NCKAP1L: variants seen among roughly 807,000 people sequenced by gnomAD.
The protein encoded by NCKAP1L is nck-associated protein 1-like.
NCKAP1L carries 53 observed loss-of-function variants against 139.2 expected under a neutral mutation model. The ratio of observed to expected loss-of-function variants is 0.38; its 90% CI spans 0.31 to 0.48. The LOEUF is 0.48. Among genes scored for constraint, NCKAP1L ranks in the 20% least tolerant of loss-of-function variants. The pLI is 0.98. For synonymous variants in NCKAP1L, 468 were observed against 499.7 expected (o/e 0.94, Z 0.85); for missense variants, 1,151 against 1,381.9 (o/e 0.83, Z 2.65).
intron 18 of NCKAP1L, among the ~76,000 whole-genome samples, chr12:54,522,247 C>T (rs1467512210): frequency 1.3e-5 from 2 of 152,130 alleles, no homozygotes; most frequent in East Asian, 1.9e-4. Context: ...CAAATGAGTA[C>T]AATTGCAGGT....
Position 54,526,738 on chromosome 12 carries a change from C to T in NCKAP1L, c.2367C>T (p.Tyr789=). The T allele has an allele frequency of 6.2e-7, 1 of 1,613,606 alleles. No homozygotes were observed. The highest frequency in any genetic ancestry group is 8.5e-7 in the Non-Finnish European group (1 of 1,179,644). ...GGGAACAGACAATCACCACACTCTA[C>T]ACAAACTGGTCAGTGTTGCTTAGGC... ...SCGEQTITTL[Y]TNWYLESLLR... Residue 789 remains tyrosine (Y), a synonymous_variant, in exon 21 of 31, where the codon TAC becomes TAT. Coordinates refer to ENST00000293373, the MANE Select transcript of NCKAP1L (RefSeq NM_005337.5).
At position 54,530,933 on chromosome 12, in the gene NCKAP1L, A is replaced by G. The variant is rs191723898; in HGVS notation, c.2507-327A>G. The stretch of plus-strand genomic sequence containing the variant: ...TGACTTAAGGTCTTACGTCTAATAA[A>G]ACTAGTATAGCTAGTACAGCAAGAG... On this transcript the variant is annotated intron_variant, in intron 22 of 30. Transcript: ENST00000293373. 2.2e-4 allele frequency among the ~76,000 whole-genome samples: 34 copies of G among 152,366 alleles called. No homozygotes were observed. The East Asian group carries it at 6.2e-3, about 28-fold the overall frequency.
rs2120893974 is a variant in NCKAP1L at position 54,508,478 on chromosome 12, G to A, written c.453G>A (p.Arg151=). Residue 151 remains arginine (R), a synonymous_variant, in exon 5 of 31, where the codon CGG becomes CGA. Transcript: ENST00000293373. The part of the protein sequence containing the change: ...VILLLSRIED[R]RILIGMYNCA... Reference sequence around the variant, plus strand: ...TACTTCTGTCACGGATTGAAGATCGGCGGATACTCATTGGCATGTACAATT... The same window carrying A: ...TACTTCTGTCACGGATTGAAGATCGACGGATACTCATTGGCATGTACAATT... The A allele has an allele frequency of 2.5e-6, 4 of 1,614,174 alleles. No individual in the cohort carries two copies. The highest frequency in any genetic ancestry group is 3.4e-6 in the Non-Finnish European group (4 of 1,180,012).
At chr12:54,506,736 T>C (rs1956841559) in intron 3 of NCKAP1L, among the ~76,000 whole-genome samples, 1 of 144,710 alleles carries the variant, frequency 6.9e-6, no homozygotes, top group Non-Finnish European at 1.5e-5. Context: ...CTTGGCATCA[T>C]ATTTTTTTTA....
At chr12:54,531,952 T>C in intron 25 of NCKAP1L, 127 bp downstream of exon 25, 3 of 873,232 alleles carry the variant, frequency 3.4e-6, no homozygotes, top group Non-Finnish European at 5.3e-6. Flanking sequence ...TTGGTGAGCA[T>C]TGAGAAGAGG....
At chr12:54,518,502 G>C in intron 13 of NCKAP1L, 149 bp from the exon 14 acceptor site, 1 of 726,196 alleles carries the variant, frequency 1.4e-6, no homozygotes, top group Non-Finnish European at 2.5e-6. Flanking sequence ...AACCCGGAAA[G>C]TTTCCTTCAT....
At chr12:54,539,000 A>T (rs1957135904) in intron 30 of NCKAP1L, 27 bp downstream of exon 30, 1 of 1,597,052 alleles carries the variant, frequency 6.3e-7, no homozygotes. Context: ...AATTGGTGTG[A>T]GAATAGGGAA....
At chr12:54,538,461 G>A (rs962642062) in intron 29 of NCKAP1L, among the ~76,000 whole-genome samples, 6 of 152,172 alleles carry the variant, frequency 3.9e-5, no homozygotes, top group African/African-American at 1.2e-4. Flanking sequence ...GGAATTGACT[G>A]GAGAATACCA....
chr12:54,539,444 C>T (rs1176952863), intron 30 of NCKAP1L, among the ~76,000 whole-genome samples: 1 of 152,232 alleles, frequency 6.6e-6, no homozygotes, highest in African/African-American at 2.4e-5. Flanking sequence ...CTAAAAAGCT[C>T]TAAGGCAGGG....
intron 20 of NCKAP1L, 111 bp downstream of exon 20, chr12:54,524,067 G>GT: frequency 8.9e-7 from 1 of 1,128,730 alleles, no homozygotes; most frequent in Non-Finnish European, 1.3e-6. Context: ...ATTCATCCTG[G>GT]TGGTCATGCC....
chr12:54,514,559 G>A (rs1026467588), intron 9 of NCKAP1L, among the ~76,000 whole-genome samples: 1 of 152,132 alleles, frequency 6.6e-6, no homozygotes, highest in African/African-American at 2.4e-5. Context: ...CTGATCTCAG[G>A]TGATCCACCC....
intron 27 of NCKAP1L, 57 bp downstream of exon 27, chr12:54,535,254 G>A: frequency 1.5e-6 from 2 of 1,358,882 alleles, no homozygotes; most frequent in Non-Finnish European, 1.0e-6. Context: ...CCTTATTTTG[G>A]GTGAAAAAAT....
chr12:54,534,055 C>A (rs1179500119), intron 26 of NCKAP1L, among the ~76,000 whole-genome samples: 2 of 152,114 alleles, frequency 1.3e-5, no homozygotes, highest in African/African-American at 4.8e-5. Context: ...ATCAATCAAT[C>A]AATATTTATT....
chr12:54,523,752 G>A, intron 19 of NCKAP1L, 73 bp from the exon 20 acceptor site: 2 of 1,549,540 alleles, frequency 1.3e-6, no homozygotes, highest in Non-Finnish European at 1.7e-6. Flanking sequence ...ACTGGGTCAT[G>A]GGCCCAACAC....
rs1276355767 is a variant in NCKAP1L, at chr12:54,517,044, T to C, written c.1095+52T>C. On this transcript the variant is annotated intron_variant, in intron 11 of 30. Coordinates refer to ENST00000293373, the MANE Select transcript of NCKAP1L (RefSeq NM_005337.5). ...AATGATGGCCAGTGATAAGAGACTGTGTAGCTACGTGGCACTCACGAGATT... is the reference window on the plus strand; with the variant it reads ...AATGATGGCCAGTGATAAGAGACTGCGTAGCTACGTGGCACTCACGAGATT... 4 of 1,498,960 alleles carry C rather than the reference T, an allele frequency of 2.7e-6. No individual in the cohort carries two copies. The South Asian group carries it at 3.4e-5, about 13-fold the overall frequency. 92.9% of individuals were successfully genotyped at this position (1,498,960 alleles called of 1,614,324 possible). A position where few individuals can be genotyped will look rare whatever the true frequency, so the allele number is the denominator to read the frequency against.
intron 22 of NCKAP1L, 93 bp downstream of exon 22, chr12:54,528,470 C>T: frequency 1.4e-6 from 2 of 1,475,622 alleles, no homozygotes; most frequent in Non-Finnish European, 1.8e-6. Context: ...TAGGTTGGTG[C>T]AAAAGTAATT....
intron 20 of NCKAP1L, among the ~76,000 whole-genome samples, chr12:54,525,340 T>C (rs1048582266): frequency 6.6e-6 from 1 of 152,230 alleles, no homozygotes; most frequent in Non-Finnish European, 1.5e-5. Context: ...TATTTTTCAA[T>C]TGAGGTTTTT....
intron 21 of NCKAP1L, among the ~76,000 whole-genome samples, 162 bp downstream of exon 21, chr12:54,526,908 C>T (rs1286818262): frequency 6.6e-6 from 1 of 152,192 alleles, no homozygotes; most frequent in Admixed American, 6.5e-5. Context: ...TGAGACAAGC[C>T]CAGATCCCCT....
chr12:54,520,150 G>A (rs1002999882), intron 16 of NCKAP1L, among the ~76,000 whole-genome samples: 3 of 152,194 alleles, frequency 2.0e-5, no homozygotes, highest in African/African-American at 4.8e-5. Context: ...CCTTCTGTAA[G>A]CAATGTAGTT....
Sources: allele counts gnomAD v4.1 joint callset (sites outside exome capture counted in the v4.1 genomes callset), GRCh38; gene constraint gnomAD v4.1.1; transcripts MANE v1.5; gene names NCBI Gene and HGNC (gene_info 2026-07-23, HGNC 2026-07-21).